AFF3: variants seen among roughly 807,000 people sequenced by gnomAD.
AFF3 encodes the protein AF4/FMR2 family member 3.
In AFF3, 32 loss-of-function variants were observed where a neutral mutation model predicts 129.7. The ratio of observed to expected loss-of-function variants is 0.25; its 90% CI spans 0.19 to 0.33. The LOEUF is 0.33. Ranked by LOEUF, AFF3 falls within the 10% of genes least tolerant of loss-of-function variation. AFF3 has a pLI of 1.00. For missense variants in AFF3, 1,373 were observed against 1,592.0 expected (o/e 0.86, Z 2.34); for synonymous variants, 644 against 635.4 (o/e 1.01, Z -0.20).
Position 99,849,543 on chromosome 2 carries a change from A to G in AFF3, c.874-12019T>C, listed in dbSNP as rs531802923. The stretch of plus-strand genomic sequence containing the variant: ...TTTTCATTTGTAGAACCGAGACAGT[A>G]ACAGCACCTACGAAATGTGAGGGCT... On this transcript the variant is annotated intron_variant, in intron 7 of 24. Coordinates refer to ENST00000672756, the MANE Select transcript of AFF3 (RefSeq NM_001386135.1). Among the ~76,000 whole-genome samples, 143 of 152,342 alleles carry G rather than the reference A, an allele frequency of 9.4e-4. 4 individuals are homozygous for G. Among genetic ancestry groups the G allele is most frequent in the African/African-American group, 3.3e-3 (138 of 41,578 alleles).
chr2:99,620,357 G>A (rs1487159575), intron 13 of AFF3, among the ~76,000 whole-genome samples: 1 of 152,180 alleles, frequency 6.6e-6, no homozygotes, highest in African/African-American at 2.4e-5. Context: ...GGCCAGGTCT[G>A]GTGACTCACA....
chr2:100,139,424 A>G (rs992872289), intron 1 of AFF3, among the ~76,000 whole-genome samples: 36 of 152,210 alleles, frequency 2.4e-4, no homozygotes, highest in Admixed American at 2.4e-3. Flanking sequence ...ATTTTTCCAT[A>G]AAGAAAAATC....
At chr2:100,015,400 C>T (rs1406396020) in intron 4 of AFF3, among the ~76,000 whole-genome samples, 1 of 152,098 alleles carries the variant, frequency 6.6e-6, no homozygotes, top group Non-Finnish European at 1.5e-5. Flanking sequence ...GGGCATGGAC[C>T]TGGAGCCATG....
chr2:100,127,232 G>T (rs1369309529), intron 2 of AFF3, among the ~76,000 whole-genome samples: 3 of 152,198 alleles, frequency 2.0e-5, no homozygotes, highest in African/African-American at 7.2e-5. Flanking sequence ...ATTACGGACT[G>T]CATTTGTCTC....
chr2:99,561,234 G>A (rs1421931734), intron 20 of AFF3, among the ~76,000 whole-genome samples: 1 of 152,128 alleles, frequency 6.6e-6, no homozygotes, highest in Non-Finnish European at 1.5e-5. Flanking sequence ...ACATAACATT[G>A]TGTTAAGAAT....
intron 8 of AFF3, among the ~76,000 whole-genome samples, chr2:99,795,820 G>A (rs1257681179): frequency 2.6e-5 from 4 of 151,932 alleles, no homozygotes; most frequent in African/African-American, 7.3e-5. Context: ...ACGGTGCTTT[G>A]CACCTGATTT....
intron 4 of AFF3, among the ~76,000 whole-genome samples, chr2:100,015,934 T>G (rs1034758479): frequency 1.3e-5 from 2 of 149,790 alleles, no homozygotes; most frequent in Non-Finnish European, 1.5e-5. Context: ...TGATGATGGT[T>G]ATGATGGTGG....
At chr2:99,728,233 T>C (rs966591694) in intron 10 of AFF3, among the ~76,000 whole-genome samples, 1 of 152,228 alleles carries the variant, frequency 6.6e-6, no homozygotes, top group Non-Finnish European at 1.5e-5. Flanking sequence ...AAGAAGTCAC[T>C]GATAACTGAG....
intron 12 of AFF3, among the ~76,000 whole-genome samples, chr2:99,670,655 C>T (rs1307040837): frequency 6.6e-6 from 1 of 152,118 alleles, no homozygotes. Flanking sequence ...ATGGGAATTA[C>T]AACTTTGTGA....
intron 4 of AFF3, among the ~76,000 whole-genome samples, chr2:100,080,835 T>C (rs867981369): frequency 4.6e-5 from 7 of 151,652 alleles, no homozygotes; most frequent in Non-Finnish European, 8.8e-5. Context: ...GAACCAGAGG[T>C]GGGGTCTTTA....
chr2:99,883,367 A>G (rs557479275), intron 7 of AFF3, among the ~76,000 whole-genome samples: 7 of 152,358 alleles, frequency 4.6e-5, no homozygotes, highest in Admixed American at 4.6e-4. Context: ...ACTTTTAACC[A>G]GACCTAAAAT....
chr2:99,947,376 GAGGTTGCAGCGACCCA>G (rs1270204705), intron 7 of AFF3, among the ~76,000 whole-genome samples: 1 of 152,172 alleles, frequency 6.6e-6, no homozygotes, highest in Non-Finnish European at 1.5e-5. Context: ...CTGGGAGGCA[GAGGTTGCAGCGACCCA>G]AGGTCGTGCC....
intron 10 of AFF3, among the ~76,000 whole-genome samples, chr2:99,728,459 C>T (rs766118422): frequency 5.3e-5 from 8 of 152,208 alleles, no homozygotes; most frequent in Non-Finnish European, 7.3e-5. Context: ...ATTAGCTTGT[C>T]GTCACCTAGT....
chr2:99,968,670 C>T (rs1678031022), intron 7 of AFF3, among the ~76,000 whole-genome samples: 1 of 151,894 alleles, frequency 6.6e-6, no homozygotes, highest in Non-Finnish European at 1.5e-5. Context: ...GCAGGAGTGC[C>T]ATCAACATAG....
chr2:99,767,761 C>T (rs888181426), intron 8 of AFF3, among the ~76,000 whole-genome samples: 6 of 152,088 alleles, frequency 3.9e-5, no homozygotes, highest in South Asian at 2.1e-4. Context: ...ATTGAGACCA[C>T]GGTGAAACCC....
intron 15 of AFF3, 150 bp from the exon 16 acceptor site, chr2:99,587,428 T>C (rs1678232679): frequency 1.2e-5 from 10 of 830,396 alleles, no homozygotes; most frequent in East Asian, 2.6e-5. Flanking sequence ...GCCCCTGCCA[T>C]AGCTTCCCCA....
chr2:99,917,965 A>G (rs1433499200), intron 7 of AFF3, among the ~76,000 whole-genome samples: 1 of 152,206 alleles, frequency 6.6e-6, no homozygotes, highest in Non-Finnish European at 1.5e-5. Context: ...AAAAATCTTC[A>G]CAAATTCTTA....
intron 11 of AFF3, among the ~76,000 whole-genome samples, chr2:99,681,706 C>A (rs534421427): frequency 1.1e-4 from 16 of 152,306 alleles, no homozygotes; most frequent in Non-Finnish European, 1.6e-4. Context: ...TCAACAGACA[C>A]CACATCTCGT....
Position 99,546,661 on chromosome 2 carries a change from G to A in AFF3, c.*4813C>T, listed in dbSNP as rs1674081304. The stretch of plus-strand genomic sequence containing the variant: ...TTAACAAACTTACCCTCCCACATAG[G>A]GGATGCTTCATGTCAAGCCACTGGT... On this transcript the variant is annotated 3_prime_UTR_variant, in exon 25 of 25. Coordinates refer to ENST00000672756, the MANE Select transcript of AFF3 (RefSeq NM_001386135.1). 1 of 230,772 alleles carries A rather than the reference G, an allele frequency of 4.3e-6. No individual in the cohort carries two copies. The highest frequency in any genetic ancestry group is 8.6e-6 in the Non-Finnish European group (1 of 116,666). 14.3% of individuals were successfully genotyped at this position (230,772 alleles called of 1,614,324 possible). A position where few individuals can be genotyped will look rare whatever the true frequency, so the allele number is the denominator to read the frequency against.
Sources: gnomAD v4.1 joint callset for allele counts (sites outside exome capture counted in the v4.1 genomes callset) on GRCh38, gnomAD v4.1.1 for gene constraint, MANE v1.5 for transcripts, NCBI Gene and HGNC (gene_info 2026-07-23, HGNC 2026-07-21) for gene names.